Variants in HACE1 observed in about 807,000 individuals in gnomAD.
The protein encoded by HACE1 is E3 ubiquitin-protein ligase HACE1.
A neutral mutation model predicts 118.4 loss-of-function variants in HACE1; 73 were observed. The ratio of observed to expected loss-of-function variants is 0.62; its 90% CI spans 0.51 to 0.75. The LOEUF is 0.75. Among genes scored for constraint, HACE1 ranks in the 30% least tolerant of loss-of-function variants. The pLI is 0.00. For missense variants in HACE1, 749 were observed against 1,102.2 expected (o/e 0.68, Z 4.54); for synonymous variants, 368 against 374.8 (o/e 0.98, Z 0.21).
chr6:104,795,225 T>C (rs1044798459), intron 10 of HACE1, among the ~76,000 whole-genome samples: 2 of 152,166 alleles, frequency 1.3e-5, no homozygotes, highest in African/African-American at 4.8e-5. Context: ...GGTTAAACAG[T>C]AGCTTGTACC....
chr6:104,831,402 T>A (rs977393310), intron 6 of HACE1: 1 of 149,820 alleles, frequency 6.7e-6, no homozygotes, highest in Non-Finnish European at 1.5e-5. Context: ...CTGGCCACCA[T>A]GGCAAAACCC....
intron 4 of HACE1, among the ~76,000 whole-genome samples, chr6:104,848,258 C>G (rs1314659390): frequency 6.6e-6 from 1 of 151,202 alleles, no homozygotes; most frequent in African/African-American, 2.4e-5. Flanking sequence ...GAAATCGAGA[C>G]CATCCTGGCC....
intron 10 of HACE1, among the ~76,000 whole-genome samples, chr6:104,794,823 T>C (rs1374649065): frequency 6.6e-6 from 1 of 152,016 alleles, no homozygotes; most frequent in Non-Finnish European, 1.5e-5. Context: ...GAGAATTGCT[T>C]GAACCTGGGA....
chr6:104,734,142 CA>C (rs11370746), intron 22 of HACE1, among the ~76,000 whole-genome samples: 32 of 87,154 alleles, frequency 3.7e-4, no homozygotes, highest in Middle Eastern at 7.6e-3. Flanking sequence ...GACTCTTCCT[CA>C]AAAAAAAAAA....
chr6:104,761,726 T>C (rs541662069), intron 19 of HACE1, among the ~76,000 whole-genome samples: 18 of 152,044 alleles, frequency 1.2e-4, no homozygotes, highest in South Asian at 6.2e-4. Context: ...AGAGCTTCTG[T>C]ACAGCAAAAG....
chr6:104,773,054 ATAC>A (rs1780814031), intron 17 of HACE1, among the ~76,000 whole-genome samples: 1 of 152,198 alleles, frequency 6.6e-6, no homozygotes, highest in South Asian at 2.1e-4. Context: ...CAAAAAAAAA[ATAC>A]TACTAGTTAA....
In HACE1 at chr6:104,771,340, C is replaced by T. The variant is rs200534595; in HGVS notation, c.2064G>A (p.Ala688=). The change falls in exon 19 of 24, where the codon GCG becomes GCA. Residue 688 remains alanine, a synonymous_variant. Transcript: ENST00000262903. ...QDVASIDPEY[A]KNLQWILDND... is the part of the protein sequence containing the mutation. ...TATCTAAAATCCATTGCAAATTTTT[C>T]GCATATTCTGGATCAATGGATGCCA... is the stretch of plus-strand genomic sequence containing the variant. 3.0e-5 allele frequency: 48 copies of T among 1,612,792 alleles called. No individual in the cohort carries two copies. Among genetic ancestry groups the T allele is most frequent in the Middle Eastern group, 1.6e-4 (1 of 6,080 alleles).
chr6:104,759,433 G>A (rs550418501), intron 19 of HACE1, among the ~76,000 whole-genome samples: 26 of 152,132 alleles, frequency 1.7e-4, no homozygotes, highest in African/African-American at 4.1e-4. Flanking sequence ...ACTGAACAAC[G>A]CGCTCCTGAA....
At chr6:104,800,688 C>A (rs547294837) in intron 7 of HACE1, among the ~76,000 whole-genome samples, 2 of 152,248 alleles carry the variant, frequency 1.3e-5, no homozygotes, top group Admixed American at 1.3e-4. Flanking sequence ...AAAAGGACAT[C>A]CACAACAAAA....
chr6:104,730,178 T>G (rs1775051633), intron 23 of HACE1, 125 bp downstream of exon 23: 4 of 698,416 alleles, frequency 5.7e-6, no homozygotes, highest in Non-Finnish European at 1.0e-5. Flanking sequence ...CATCAGTGAT[T>G]CCAAAATCCT....
At chr6:104,807,317 T>G (rs1001824021) in intron 7 of HACE1, among the ~76,000 whole-genome samples, 2 of 152,182 alleles carry the variant, frequency 1.3e-5, no homozygotes, top group East Asian at 3.8e-4. Flanking sequence ...CCACTGTGCC[T>G]GGCCAAGTCT....
At chr6:104,836,719 T>G (rs1774577939) in intron 5 of HACE1, among the ~76,000 whole-genome samples, 1 of 151,926 alleles carries the variant, frequency 6.6e-6, no homozygotes, top group African/African-American at 2.4e-5. Flanking sequence ...TCTAAATAAA[T>G]AAATAAACAA....
chr6:104,822,391 A>G (rs1562449980), intron 6 of HACE1, among the ~76,000 whole-genome samples: 1 of 150,238 alleles, frequency 6.7e-6, no homozygotes, highest in African/African-American at 2.4e-5. Context: ...TCAGAAAAAA[A>G]AAAAAAAAAA....
intron 17 of HACE1, 123 bp from the exon 18 acceptor site, chr6:104,772,197 A>G (rs1226633503): frequency 1.6e-6 from 1 of 608,812 alleles, no homozygotes; most frequent in South Asian, 2.3e-5. Context: ...TTATGTATAA[A>G]CTTCCAGAGA....
At chr6:104,855,971 AAGT>A (rs778256172) in intron 1 of HACE1, among the ~76,000 whole-genome samples, 2 of 152,210 alleles carry the variant, frequency 1.3e-5, no homozygotes, top group Non-Finnish European at 2.9e-5. Context: ...CTAAAGAAAA[AAGT>A]AGGTCACATA....
Position 104,771,948 on chromosome 6 carries a change from C to T in HACE1, c.1991G>A (p.Arg664Gln). The change falls in exon 18 of 24, where the codon CGA (arginine) becomes CAA (glutamine). Residue 664 changes from arginine to glutamine, a missense_variant. Physicochemically the swap from Arg to Gln is conservative, Grantham distance 43. Around this residue, in one of 5 missense-constraint regions of HACE1, gnomAD observed 195 missense variants for 322.1 expected, o/e 0.61. Transcript: ENST00000262903. ...HRQLVNIYFT[R>Q]SFYKHILGIP... ...ACCAAGAATGTGCTTGTAGAAGGATCGTGTGAAGTAAATATTGACCAGCTG... is the reference window on the plus strand; with the variant it reads ...ACCAAGAATGTGCTTGTAGAAGGATTGTGTGAAGTAAATATTGACCAGCTG... 6.2e-7 allele frequency: 1 copy of T among 1,605,688 alleles called. No individual in the cohort carries two copies. Among genetic ancestry groups the T allele is most frequent in the Non-Finnish European group, 8.5e-7 (1 of 1,172,706 alleles).
chr6:104,830,392 C>T (rs149872432), intron 6 of HACE1, among the ~76,000 whole-genome samples: 35 of 152,062 alleles, frequency 2.3e-4, no homozygotes, highest in Non-Finnish European at 8.8e-5. Context: ...TGATAAAAGA[C>T]AAAAAATGCA....
chr6:104,771,898 T>C lies in HACE1; in HGVS notation c.2014+27A>G, dbSNP rs7741145. On this transcript the variant is annotated intron_variant, in intron 18 of 23. Transcript: ENST00000262903. ...GAAAAAAAAACAATATAAATAAATG[T>C]CTGCAGAAATAATAATAGAGCCATA... The C allele has an allele frequency of 0.15, 216,633 of 1,468,978 alleles. 17,102 individuals are homozygous for C. Among genetic ancestry groups the C allele is most frequent in the Middle Eastern group, 0.23 (1,303 of 5,754 alleles). The allele number at this position is 1,468,978 out of a possible 1,614,324, so 91.0% of individuals were successfully genotyped here.
At chr6:104,840,834 A>G (rs895352510) in intron 5 of HACE1, among the ~76,000 whole-genome samples, 1 of 152,192 alleles carries the variant, frequency 6.6e-6, no homozygotes, top group Non-Finnish European at 1.5e-5. Flanking sequence ...GTGGTGGCAC[A>G]TGCCTGAAAT....
Sources: allele counts gnomAD v4.1 joint callset (sites outside exome capture counted in the v4.1 genomes callset), GRCh38; gene constraint gnomAD v4.1.1; regional missense constraint gnomAD v4.1.1; transcripts MANE v1.5; gene names NCBI Gene and HGNC (gene_info 2026-07-23, HGNC 2026-07-21).